AK5: variants seen among roughly 807,000 people sequenced by gnomAD.
AK5 encodes adenylate kinase 5.
In AK5, 27 loss-of-function variants were observed where a neutral mutation model predicts 69.5. That is an observed-to-expected ratio of 0.39 (90% CI 0.29 to 0.54). AK5 has a LOEUF of 0.54. AK5 is among the 20% of genes least tolerant of loss of function. The pLI is 0.71. For missense variants in AK5, 531 were observed against 700.4 expected, an observed-to-expected ratio of 0.76 and a Z score of 2.73; for synonymous variants, 260 against 244.4, an observed-to-expected ratio of 1.06 and a Z score of -0.60.
At chr1:77,550,807 T>C (rs1000546045) in intron 13 of AK5, among the ~76,000 whole-genome samples, 1 of 152,240 alleles carries the variant, frequency 6.6e-6, no homozygotes, top group Non-Finnish European at 1.5e-5. Context: ...ACCTGTAGAA[T>C]GAAAGGAGAA....
At chr1:77,482,218 C>T (rs548721407) in intron 8 of AK5, among the ~76,000 whole-genome samples, 134 of 152,024 alleles carry the variant, frequency 8.8e-4, no homozygotes, top group Non-Finnish European at 1.3e-3. Flanking sequence ...TAAGTGGTTA[C>T]CTATGAGGGG....
At chr1:77,472,853 C>T (rs566637329) in intron 8 of AK5, among the ~76,000 whole-genome samples, 1 of 139,786 alleles carries the variant, frequency 7.2e-6, no homozygotes, top group Admixed American at 7.2e-5. Flanking sequence ...TAGTTGCCCA[C>T]ATCCCTTGGC....
intron 5 of AK5, among the ~76,000 whole-genome samples, chr1:77,306,494 GTTTTT>G (rs869202567): frequency 2.6e-4 from 31 of 120,366 alleles, no homozygotes; most frequent in East Asian, 1.6e-3. Context: ...GTTTTTTTTT[GTTTTT>G]TTTTTTTTTT....
intron 6 of AK5, among the ~76,000 whole-genome samples, chr1:77,391,993 A>G (rs555204438): frequency 6.6e-6 from 1 of 152,376 alleles, no homozygotes; most frequent in South Asian, 2.1e-4. Context: ...ACAAATGGAC[A>G]GGTACGTAGA....
At chr1:77,557,529 G>A (rs570891144) in intron 13 of AK5, among the ~76,000 whole-genome samples, 12 of 152,092 alleles carry the variant, frequency 7.9e-5, no homozygotes, top group Non-Finnish European at 1.8e-4. Flanking sequence ...GTACTTTCGT[G>A]CCCAGAAAAT....
chr1:77,502,203 G>C (rs937784100), intron 10 of AK5, among the ~76,000 whole-genome samples: 2 of 152,212 alleles, frequency 1.3e-5, no homozygotes, highest in Non-Finnish European at 2.9e-5. Flanking sequence ...AGTCATAGCA[G>C]TGGTATGACA....
chr1:77,299,281 A>C (rs1040613157), intron 5 of AK5, among the ~76,000 whole-genome samples: 1 of 122,194 alleles, frequency 8.2e-6, no homozygotes, highest in Admixed American at 7.7e-5. Flanking sequence ...CCTTATGTGA[A>C]TTGCTTGTTC....
At chr1:77,283,884 G>A (rs1378146710) in intron 1 of AK5, among the ~76,000 whole-genome samples, 3 of 152,150 alleles carry the variant, frequency 2.0e-5, no homozygotes, top group Non-Finnish European at 4.4e-5. Context: ...GGAGGACCAC[G>A]TGATTGCAAA....
At chr1:77,444,244 T>C (rs1190051662) in intron 8 of AK5, among the ~76,000 whole-genome samples, 1 of 27,790 alleles carries the variant, frequency 3.6e-5, no homozygotes, top group Non-Finnish European at 8.9e-5. Context: ...AGTATATATA[T>C]ACACAACATA....
At chr1:77,297,310 T>C (rs113130762) in intron 3 of AK5, among the ~76,000 whole-genome samples, 25 of 152,342 alleles carry the variant, frequency 1.6e-4, no homozygotes, top group Admixed American at 1.0e-3. Flanking sequence ...TTTAATTAGC[T>C]ATTTGCTCAA....
intron 12 of AK5, among the ~76,000 whole-genome samples, chr1:77,525,227 A>AT (rs1658208061): frequency 6.6e-6 from 1 of 152,136 alleles, no homozygotes; most frequent in African/African-American, 2.4e-5. Context: ...TTTTCAGCTA[A>AT]TTTTTTATAT....
At chr1:77,403,300 A>G (rs1235437360) in intron 6 of AK5, among the ~76,000 whole-genome samples, 1 of 152,132 alleles carries the variant, frequency 6.6e-6, no homozygotes, top group African/African-American at 2.4e-5. Flanking sequence ...CTTTAGTTTA[A>G]TTAGATCCCA....
chr1:77,507,755 C>T (rs1657107080), intron 10 of AK5, among the ~76,000 whole-genome samples: 1 of 152,206 alleles, frequency 6.6e-6, no homozygotes, highest in Non-Finnish European at 1.5e-5. Context: ...ACAAAGACTT[C>T]CTGCAGTGAC....
At chr1:77,437,223 G>A (rs1652008977) in intron 8 of AK5, among the ~76,000 whole-genome samples, 1 of 152,000 alleles carries the variant, frequency 6.6e-6, no homozygotes, top group Non-Finnish European at 1.5e-5. Context: ...TTATGTTTTT[G>A]ATAACATACT....
At chr1:77,502,865 C>T (rs1446540594) in intron 10 of AK5, among the ~76,000 whole-genome samples, 1 of 152,184 alleles carries the variant, frequency 6.6e-6, no homozygotes, top group Non-Finnish European at 1.5e-5. Context: ...TTGGACTACT[C>T]ACCAAAGCCC....
intron 10 of AK5, among the ~76,000 whole-genome samples, chr1:77,501,179 A>G (rs1469547301): frequency 6.6e-6 from 1 of 152,248 alleles, no homozygotes; most frequent in Non-Finnish European, 1.5e-5. Flanking sequence ...TCACAGCAGT[A>G]GGGCTATGCC....
intron 5 of AK5, among the ~76,000 whole-genome samples, chr1:77,336,631 T>G (rs572787937): frequency 1.2e-4 from 19 of 152,282 alleles, no homozygotes; most frequent in African/African-American, 3.1e-4. Context: ...GTGGTTTTTT[T>G]TGTGTGTGTG....
intron 10 of AK5, among the ~76,000 whole-genome samples, chr1:77,492,034 T>C (rs1656035879): frequency 6.6e-6 from 1 of 152,230 alleles, no homozygotes; most frequent in Non-Finnish European, 1.5e-5. Flanking sequence ...CACAGTTCGT[T>C]TGTTAGATGC....
intron 6 of AK5, among the ~76,000 whole-genome samples, chr1:77,379,408 T>C (rs1647468399): frequency 6.6e-6 from 1 of 152,158 alleles, no homozygotes; most frequent in African/African-American, 2.4e-5. Context: ...GAATTATTTA[T>C]CCTTTGGACT....
Sources: allele counts gnomAD v4.1 joint callset (sites outside exome capture counted in the v4.1 genomes callset), GRCh38; gene constraint gnomAD v4.1.1; transcripts MANE v1.5; gene names NCBI Gene and HGNC (gene_info 2026-07-23, HGNC 2026-07-21).